The following PCDHA4 variants were observed in gnomAD, a reference collection of about 807,000 sequenced individuals.
PCDHA4 encodes the protein protocadherin alpha-4.
Under a neutral mutation model 61.4 loss-of-function variants are expected in PCDHA4, and 49 were observed. The ratio of observed to expected loss-of-function variants is 0.80; its 90% CI spans 0.63 to 1.01. The LOEUF is 1.01. PCDHA4 is among the 50% of genes least tolerant of loss of function. The pLI is 0.00. For synonymous variants in PCDHA4, 590 were observed against 550.3 expected (o/e 1.07, Z -1.01); for missense variants, 1,254 against 1,235.8 (o/e 1.01, Z -0.22).
intron 1 of PCDHA4, chr5:140,864,013 A>T: frequency 6.5e-6 from 1 of 153,164 alleles, no homozygotes; most frequent in South Asian, 2.1e-4. Flanking sequence ...AAAAAAAAGT[A>T]CATTGGAAGT....
chr5:140,833,447 A>G lies in PCDHA4; in HGVS notation c.2385+23875A>G, dbSNP rs2150208593. On this transcript the variant is annotated intron_variant, in intron 1 of 3. Transcript: ENST00000530339. ...GATGGCTGAGCACTGAAATTTATCT[A>G]ATAAAATAAACTTACATTTTAAAAG... Among the ~76,000 whole-genome samples, 6 of 152,344 alleles carry G rather than the reference A, an allele frequency of 3.9e-5. No homozygotes were observed. The East Asian group carries it at 1.2e-3, about 29-fold the overall frequency.
At chr5:140,962,665 C>G (rs1457197885) in intron 1 of PCDHA4, among the ~76,000 whole-genome samples, 1 of 152,146 alleles carries the variant, frequency 6.6e-6, no homozygotes, top group African/African-American at 2.4e-5. Context: ...TTTTCATCTT[C>G]CCATCCACTG....
intron 1 of PCDHA4, among the ~76,000 whole-genome samples, chr5:140,907,439 A>G (rs1217956706): frequency 6.6e-6 from 1 of 152,250 alleles, no homozygotes; most frequent in Admixed American, 6.5e-5. Context: ...CTGTGAGTCC[A>G]CAGATGGTAA....
Position 140,808,347 on chromosome 5 carries a change from G to A in PCDHA4, c.1160G>A (p.Cys387Tyr). Residue 387 changes from cysteine to tyrosine, a missense_variant, in exon 1 of 4, where the codon TGC becomes TAC. Physicochemically the swap from Cys to Tyr is radical, Grantham distance 194. Transcript: ENST00000530339. The stretch of plus-strand genomic sequence containing the variant: ...ATGGGTGTCAATGGGCTGGTCACCT[G>A]CTCCTTGACGTCCCACGTCCCCTTC... ...KDMGVNGLVT[C>Y]SLTSHVPFKL... 1 of 1,614,224 alleles carries A rather than the reference G, an allele frequency of 6.2e-7. No individual in the cohort carries two copies. Among genetic ancestry groups the A allele is most frequent in the Non-Finnish European group, 8.5e-7 (1 of 1,180,044 alleles).
At chr5:140,957,781 TTCA>T (rs2095383587) in intron 1 of PCDHA4, among the ~76,000 whole-genome samples, 1 of 152,072 alleles carries the variant, frequency 6.6e-6, no homozygotes, top group African/African-American at 2.4e-5. Context: ...AAAAACTAAG[TTCA>T]TCATATATGT....
chr5:140,969,222 C>T (rs782010447), intron 1 of PCDHA4: 1 of 1,614,154 alleles, frequency 6.2e-7, no homozygotes, highest in Non-Finnish European at 8.5e-7. Flanking sequence ...GGACCAGGGC[C>T]TTCGGGAGCC....
intron 1 of PCDHA4, among the ~76,000 whole-genome samples, chr5:140,819,989 T>C (rs920355948): frequency 1.3e-5 from 2 of 152,044 alleles, no homozygotes; most frequent in Non-Finnish European, 2.9e-5. Flanking sequence ...GTGTATTTTG[T>C]ATAAAATTCT....
chr5:140,992,584 T>G (rs1327367703), intron 3 of PCDHA4, among the ~76,000 whole-genome samples: 1 of 152,194 alleles, frequency 6.6e-6, no homozygotes, highest in Non-Finnish European at 1.5e-5. Context: ...CTGCCTTGTA[T>G]GCATCTAGCG....
At chr5:140,914,016 G>A (rs1344982730) in intron 1 of PCDHA4, among the ~76,000 whole-genome samples, 2 of 152,140 alleles carry the variant, frequency 1.3e-5, no homozygotes, top group Non-Finnish European at 2.9e-5. Flanking sequence ...CTTTGAGAAT[G>A]ATCCACGTGC....
intron 1 of PCDHA4, among the ~76,000 whole-genome samples, chr5:140,952,123 C>T (rs1182943342): frequency 6.6e-6 from 1 of 152,056 alleles, no homozygotes; most frequent in Non-Finnish European, 1.5e-5. Context: ...GATGGGCTCC[C>T]AAGGCCTTGG....
rs782019485 is a variant in PCDHA4 at position 140,808,219 on chromosome 5, C to A, written c.1032C>A (p.Asn344Lys). ...CRVIVEVEDN[N>K]DNVPDLEFKS... is the part of the protein sequence containing the mutation. ...TTATTGTGGAAGTAGAAGACAACAA[C>A]GATAATGTCCCAGATTTGGAATTCA... The change falls in exon 1 of 4, where the codon AAC becomes AAA. Residue 344 changes from asparagine (N) to lysine (K), a missense_variant. Transcript: ENST00000530339. 2 of 1,614,076 alleles carry A rather than the reference C, an allele frequency of 1.2e-6. No individual in the cohort carries two copies. The highest frequency in any genetic ancestry group is 1.1e-5 in the South Asian group (1 of 91,092).
At chr5:140,920,565 G>A (rs1225212458) in intron 1 of PCDHA4, among the ~76,000 whole-genome samples, 27 of 152,152 alleles carry the variant, frequency 1.8e-4, no homozygotes, top group Admixed American at 1.6e-3. Context: ...TGGCCCTTAG[G>A]CCAGGAGCAG....
chr5:140,841,787 G>T, intron 1 of PCDHA4: 1 of 1,613,878 alleles, frequency 6.2e-7, no homozygotes, highest in Non-Finnish European at 8.5e-7. Flanking sequence ...TCCGCTAGAG[G>T]GCGCGTCCGA....
chr5:140,905,368 T>G (rs536118800), intron 1 of PCDHA4, among the ~76,000 whole-genome samples: 47 of 152,336 alleles, frequency 3.1e-4, no homozygotes, highest in Non-Finnish European at 4.6e-4. Flanking sequence ...TATTTCTGGT[T>G]CTCTGTTCTG....
At chr5:140,997,603 C>T (rs781897268) in intron 3 of PCDHA4, among the ~76,000 whole-genome samples, 2 of 151,824 alleles carry the variant, frequency 1.3e-5, no homozygotes, top group African/African-American at 2.4e-5. Flanking sequence ...GATTATGGGG[C>T]GCATGACTAT....
intron 1 of PCDHA4, among the ~76,000 whole-genome samples, chr5:140,844,255 T>C (rs1015870602): frequency 6.7e-6 from 1 of 149,734 alleles, no homozygotes; most frequent in Admixed American, 6.7e-5. Flanking sequence ...TTAAGCAGTG[T>C]AGTGATAAAA....
At chr5:140,908,668 A>C (rs2074091776) in intron 1 of PCDHA4, among the ~76,000 whole-genome samples, 1 of 152,194 alleles carries the variant, frequency 6.6e-6, no homozygotes, top group Non-Finnish European at 1.5e-5. Flanking sequence ...AAAGGCTCCA[A>C]ATAGCATCCC....
chr5:140,877,419 G>A (rs1554169722), intron 1 of PCDHA4: 1 of 1,613,922 alleles, frequency 6.2e-7, no homozygotes, highest in Non-Finnish European at 8.5e-7. Context: ...GCCTGCTGGT[G>A]CTGGTGAAGG....
rs552832365 is a variant in PCDHA4, at chr5:140,928,668, T to C, written c.2386-50281T>C. ...TAGCAGAGGATGCTGACAGTGGTTC[T>C]AATGCCTGGCTTTCCTACCACATCT... is the stretch of plus-strand genomic sequence containing the variant. On this transcript the variant is annotated intron_variant, in intron 1 of 3. Transcript: ENST00000530339. The C allele has an allele frequency of 2.4e-4, 388 of 1,614,234 alleles. 3 individuals are homozygous for C. The South Asian group carries it at 4.0e-3, about 17-fold the overall frequency.
Sources: allele counts gnomAD v4.1 joint callset (sites outside exome capture counted in the v4.1 genomes callset), GRCh38; gene constraint gnomAD v4.1.1; transcripts MANE v1.5; gene names NCBI Gene and HGNC (gene_info 2026-07-23, HGNC 2026-07-21).